PARD3: variants seen among roughly 807,000 people sequenced by gnomAD.
PARD3 encodes the protein partitioning defective 3 homolog.
Under a neutral mutation model 155.4 loss-of-function variants are expected in PARD3, and 75 were observed. The observed-to-expected ratio is 0.48, with a 90% CI of 0.40 to 0.58. The LOEUF is 0.58. Ranked by LOEUF, PARD3 falls within the 20% of genes least tolerant of loss-of-function variation. The pLI is 0.00. For synonymous variants in PARD3, 576 were observed against 610.5 expected, an observed-to-expected ratio of 0.94 and a Z score of 0.83; for missense variants, 1,642 against 1,721.7, an observed-to-expected ratio of 0.95 and a Z score of 0.82.
chr10:34,150,501 A>G (rs1211774202), intron 22 of PARD3, among the ~76,000 whole-genome samples: 3 of 152,216 alleles, frequency 2.0e-5, no homozygotes, highest in Non-Finnish European at 4.4e-5. Flanking sequence ...GCAAGAGAGA[A>G]GCAAAAAAGA....
At chr10:34,315,061 AG>A (rs1957927636) in intron 20 of PARD3, among the ~76,000 whole-genome samples, 1 of 152,198 alleles carries the variant, frequency 6.6e-6, no homozygotes, top group Non-Finnish European at 1.5e-5. Context: ...AAAAACCTTC[AG>A]CCCCTGCACC....
intron 20 of PARD3, among the ~76,000 whole-genome samples, chr10:34,285,393 T>C (rs770496420): frequency 1.3e-5 from 2 of 151,988 alleles, no homozygotes; most frequent in African/African-American, 2.4e-5. Flanking sequence ...CTGGGCAACA[T>C]AGCGAGACCT....
chr10:34,765,311 C>A (rs1029939072), intron 1 of PARD3, among the ~76,000 whole-genome samples: 1 of 152,126 alleles, frequency 6.6e-6, no homozygotes, highest in Non-Finnish European at 1.5e-5. Flanking sequence ...TAGTGCAACC[C>A]CCAGCTCAGG....
At chr10:34,580,348 C>T (rs993809069) in intron 2 of PARD3, among the ~76,000 whole-genome samples, 8 of 151,750 alleles carry the variant, frequency 5.3e-5, no homozygotes, top group Admixed American at 2.0e-4. Flanking sequence ...GACGAATCCC[C>T]GTCTCTAGAA....
intron 15 of PARD3, chr10:34,344,059 T>G (rs1837117463): frequency 1.8e-5 from 17 of 945,950 alleles, no homozygotes; most frequent in South Asian, 1.5e-4. Flanking sequence ...ACCACATATA[T>G]ATGAATATAC....
intron 20 of PARD3, among the ~76,000 whole-genome samples, chr10:34,309,683 T>C (rs1353543177): frequency 6.6e-6 from 1 of 151,462 alleles, no homozygotes; most frequent in East Asian, 1.9e-4. Flanking sequence ...AGAATGGTTT[T>C]TTGGGAGCTT....
intron 2 of PARD3, among the ~76,000 whole-genome samples, chr10:34,647,784 C>T (rs555007333): frequency 2.0e-5 from 3 of 152,248 alleles, no homozygotes; most frequent in East Asian, 1.9e-4. Context: ...TGAGAGAAAT[C>T]GTAGGGTAGG....
intron 6 of PARD3, among the ~76,000 whole-genome samples, chr10:34,400,731 T>C (rs745536585): frequency 6.6e-6 from 1 of 152,036 alleles, no homozygotes; most frequent in Non-Finnish European, 1.5e-5. Context: ...CAAATCAAAA[T>C]TGAAAATATG....
intron 2 of PARD3, among the ~76,000 whole-genome samples, chr10:34,589,980 T>C (rs1020534997): frequency 2.0e-5 from 3 of 152,212 alleles, no homozygotes; most frequent in Non-Finnish European, 4.4e-5. Flanking sequence ...ACCTCCATTT[T>C]TGGTATTTAT....
At chr10:34,554,760 A>G (rs1348089048) in intron 2 of PARD3, among the ~76,000 whole-genome samples, 2 of 152,082 alleles carry the variant, frequency 1.3e-5, no homozygotes, top group African/African-American at 2.4e-5. Context: ...TTAAAATTGG[A>G]AAAAAAATTA....
intron 1 of PARD3, among the ~76,000 whole-genome samples, chr10:34,757,034 T>C (rs965897505): frequency 6.6e-6 from 1 of 152,234 alleles, no homozygotes; most frequent in East Asian, 1.9e-4. Flanking sequence ...GTCTTGAATA[T>C]CTGTGAGGAA....
chr10:34,739,498 G>A (rs970714609), intron 1 of PARD3, among the ~76,000 whole-genome samples: 1 of 152,138 alleles, frequency 6.6e-6, no homozygotes, highest in Admixed American at 6.5e-5. Context: ...GAAATCCCAG[G>A]AGTGCTGGGA....
chr10:34,623,063 C>T (rs2091783778), intron 2 of PARD3, among the ~76,000 whole-genome samples: 1 of 151,968 alleles, frequency 6.6e-6, no homozygotes, highest in Non-Finnish European at 1.5e-5. Context: ...GTGTTTCTGG[C>T]CCCTGAAGGC....
intron 1 of PARD3, among the ~76,000 whole-genome samples, chr10:34,777,003 A>ATTTTTTTTTTTTTT (rs758917237): frequency 7.4e-5 from 9 of 122,410 alleles, no homozygotes; most frequent in African/African-American, 2.4e-4. Context: ...TGTCTGGCTA[A>ATTTTTTTTTTTTTT]TTTTTTTTTT....
chr10:34,219,455 C>A (rs993050504), intron 22 of PARD3, among the ~76,000 whole-genome samples: 14 of 151,986 alleles, frequency 9.2e-5, no homozygotes, highest in African/African-American at 2.9e-4. Context: ...GGGGTATGCA[C>A]CCCCCTCTTA....
chr10:34,216,513 A>G (rs1952009578), intron 22 of PARD3, among the ~76,000 whole-genome samples: 1 of 152,214 alleles, frequency 6.6e-6, no homozygotes, highest in South Asian at 2.1e-4. Flanking sequence ...GTATACAGCA[A>G]TCTGACTGCT....
chr10:34,359,492 A>T (rs948896026), intron 13 of PARD3, among the ~76,000 whole-genome samples, 175 bp from the exon 14 acceptor site: 1 of 152,156 alleles, frequency 6.6e-6, no homozygotes, highest in Admixed American at 6.5e-5. Context: ...CTAAGCAGCT[A>T]TTGTAGCCTG....
At chr10:34,730,379 A>C (rs1483784834) in intron 1 of PARD3, among the ~76,000 whole-genome samples, 1 of 152,242 alleles carries the variant, frequency 6.6e-6, no homozygotes, top group Non-Finnish European at 1.5e-5. Context: ...CACCAACTTT[A>C]AACTGCACTG....
chr10:34,746,285 TA>T (rs900142566), intron 1 of PARD3, among the ~76,000 whole-genome samples: 342 of 134,612 alleles, frequency 2.5e-3, no homozygotes, highest in Admixed American at 2.2e-3. Context: ...TCTACAAAAT[TA>T]AAAAAAAAAA....
Sources: allele counts gnomAD v4.1 joint callset (sites outside exome capture counted in the v4.1 genomes callset), GRCh38; gene constraint gnomAD v4.1.1; transcripts MANE v1.5; gene names NCBI Gene and HGNC (gene_info 2026-07-23, HGNC 2026-07-21).